TMEM132B: variants seen among roughly 807,000 people sequenced by gnomAD.
The protein encoded by TMEM132B is transmembrane protein 132B.
In TMEM132B, 18 loss-of-function variants were observed where a neutral mutation model predicts 90.8. The ratio of observed to expected loss-of-function variants is 0.20; its 90% confidence interval spans 0.14 to 0.29. TMEM132B has a LOEUF of 0.29. TMEM132B is among the 10% of genes least tolerant of loss of function. The pLI, the probability that TMEM132B is intolerant of heterozygous loss-of-function variation, is 1.00. For synonymous variants in TMEM132B, 504 were observed against 523.3 expected (o/e 0.96, Z 0.50); for missense variants, 1,096 against 1,326.8 (o/e 0.83, Z 2.70).
At chr12:125,266,370 A>T (rs1176704411) in intron 1 of TMEM132B, among the ~76,000 whole-genome samples, 1 of 152,270 alleles carries the variant, frequency 6.6e-6, no homozygotes, top group East Asian at 1.9e-4. Context: ...GCATTGACTT[A>T]TGTGAATCTA....
chr12:125,394,363 C>T (rs57653349), intron 2 of TMEM132B, among the ~76,000 whole-genome samples: 8,132 of 152,194 alleles, frequency 0.053, 671 homozygotes, highest in African/African-American at 0.18. Context: ...AGGTGGGCAG[C>T]GACAGCTTGG....
At chr12:125,187,159 C>A (rs560383680) in intron 1 of TMEM132B, among the ~76,000 whole-genome samples, 3 of 152,298 alleles carry the variant, frequency 2.0e-5, no homozygotes, top group Non-Finnish European at 4.4e-5. Flanking sequence ...GACGCGACTG[C>A]AGGAATCGAG....
rs909285865 is a variant in TMEM132B at position 125,658,451 on chromosome 12, G to C, written c.*3741G>C. 3.9e-5 allele frequency: 6 copies of C among 152,150 alleles called. No homozygotes were observed. The highest frequency in any genetic ancestry group is 1.3e-4 in the Admixed American group (2 of 15,270). The allele number at this position is 152,150 out of a possible 1,614,324, so 9.4% of individuals were successfully genotyped here. On this transcript the variant is annotated 3_prime_UTR_variant, in exon 9 of 9. Coordinates refer to ENST00000682704, the MANE Select transcript of TMEM132B (RefSeq NM_001366854.1). ...GGTTTCATCTGAACCCTACAAGTCAGGGACACCAGTGTGTTTTCTACTCGA... is the reference window on the plus strand; with the variant it reads ...GGTTTCATCTGAACCCTACAAGTCACGGACACCAGTGTGTTTTCTACTCGA...
chr12:125,360,707 C>G (rs899832609), intron 2 of TMEM132B, among the ~76,000 whole-genome samples: 14 of 152,038 alleles, frequency 9.2e-5, no homozygotes, highest in African/African-American at 3.4e-4. Context: ...GGGGGTAAAT[C>G]AGGGCAGGCC....
chr12:125,359,271 G>C (rs144218439), intron 2 of TMEM132B, among the ~76,000 whole-genome samples: 1 of 152,226 alleles, frequency 6.6e-6, no homozygotes, highest in African/African-American at 2.4e-5. Context: ...TCTCTAACCA[G>C]ATGTGTTCCT....
chr12:125,605,664 A>G (rs936127664), intron 5 of TMEM132B, among the ~76,000 whole-genome samples: 1 of 152,118 alleles, frequency 6.6e-6, no homozygotes, highest in Admixed American at 6.6e-5. Context: ...TCAACATACT[A>G]CTTAATTGTT....
chr12:125,301,677 G>A (rs1365915987), intron 1 of TMEM132B: 1 of 150,838 alleles, frequency 6.6e-6, no homozygotes, highest in Non-Finnish European at 1.5e-5. Context: ...AGGAGATCGA[G>A]ACCATCCTGG....
chr12:125,227,160 C>T (rs570661058), intron 1 of TMEM132B, among the ~76,000 whole-genome samples: 21 of 152,246 alleles, frequency 1.4e-4, no homozygotes, highest in African/African-American at 4.8e-4. Context: ...AGTGGGACTG[C>T]GGCCCAGTTG....
At position 125,388,237 on chromosome 12, in the gene TMEM132B, G is replaced by C. The variant is rs370599210; in HGVS notation, c.960-27294G>C. On this transcript the variant is annotated intron_variant, in intron 2 of 8. Transcript: ENST00000682704. Reference sequence around the variant, plus strand: ...GAGGTGGGGAGTTCAAGACCAGCCTGACTGACATAGTGAAACCCTATCTCT... The same window carrying C: ...GAGGTGGGGAGTTCAAGACCAGCCTCACTGACATAGTGAAACCCTATCTCT... 1.5e-4 allele frequency among the ~76,000 whole-genome samples: 23 copies of C among 152,254 alleles called. No homozygotes were observed. The East Asian group carries it at 2.7e-3, about 18-fold the overall frequency.
chr12:125,221,701 G>A (rs2136074443), intron 1 of TMEM132B, among the ~76,000 whole-genome samples: 1 of 152,298 alleles, frequency 6.6e-6, no homozygotes, highest in Non-Finnish European at 1.5e-5. Flanking sequence ...CTAAAACAAA[G>A]TGATTAAACA....
chr12:125,534,817 T>C (rs1342317060), intron 4 of TMEM132B, among the ~76,000 whole-genome samples: 1 of 152,218 alleles, frequency 6.6e-6, no homozygotes, highest in African/African-American at 2.4e-5. Flanking sequence ...TCCAATATGG[T>C]AGCCATTAGC....
At chr12:125,518,788 G>A (rs1883230910) in intron 3 of TMEM132B, among the ~76,000 whole-genome samples, 1 of 127,072 alleles carries the variant, frequency 7.9e-6, no homozygotes, top group Non-Finnish European at 1.5e-5. Context: ...TAAGGCAGGT[G>A]GGATTTTTTT....
intron 3 of TMEM132B, among the ~76,000 whole-genome samples, chr12:125,419,610 C>T (rs949104683): frequency 1.9e-4 from 29 of 152,168 alleles, no homozygotes; most frequent in African/African-American, 6.8e-4. Context: ...GGCGGGGACA[C>T]AGCCAAACCA....
At chr12:125,596,947 C>T (rs1885453932) in intron 5 of TMEM132B, among the ~76,000 whole-genome samples, 1 of 152,152 alleles carries the variant, frequency 6.6e-6, no homozygotes, top group Non-Finnish European at 1.5e-5. Context: ...ACAGTGACTT[C>T]CCATGTGCTT....
At chr12:125,485,930 C>T (rs191015236) in intron 3 of TMEM132B, among the ~76,000 whole-genome samples, 83 of 152,314 alleles carry the variant, frequency 5.4e-4, no homozygotes, top group African/African-American at 2.0e-3. Context: ...CTGTCAACTA[C>T]AGAATCCACT....
chr12:125,558,979 A>G (rs1236617763), intron 4 of TMEM132B, among the ~76,000 whole-genome samples: 4 of 152,238 alleles, frequency 2.6e-5, no homozygotes, highest in African/African-American at 4.8e-5. Flanking sequence ...GATGTGGTTT[A>G]GAGTATCAGG....
chr12:125,343,899 C>G (rs929432671), intron 1 of TMEM132B, among the ~76,000 whole-genome samples: 3 of 152,194 alleles, frequency 2.0e-5, no homozygotes, highest in Non-Finnish European at 4.4e-5. Flanking sequence ...TTAATAAAAA[C>G]AGTATCTATT....
At chr12:125,537,709 G>A (rs1883845238) in intron 4 of TMEM132B, among the ~76,000 whole-genome samples, 2 of 152,204 alleles carry the variant, frequency 1.3e-5, no homozygotes, top group Non-Finnish European at 2.9e-5. Context: ...GGCTGAGCAG[G>A]GAAATCTAGG....
At chr12:125,525,775 G>A (rs987958119) in intron 4 of TMEM132B, among the ~76,000 whole-genome samples, 1 of 152,082 alleles carries the variant, frequency 6.6e-6, no homozygotes, top group African/African-American at 2.4e-5. Flanking sequence ...AAAGGGCCTC[G>A]GTTATGATCT....
Sources: allele counts gnomAD v4.1 joint callset (sites outside exome capture counted in the v4.1 genomes callset), GRCh38; gene constraint gnomAD v4.1.1; transcripts MANE v1.5; gene names NCBI Gene and HGNC (gene_info 2026-07-23, HGNC 2026-07-21).